SLC12A9: variants seen among roughly 807,000 people sequenced by gnomAD.
SLC12A9 encodes CCC-interacting protein 1.
A neutral mutation model predicts 66.0 loss-of-function variants in SLC12A9; 55 were observed. The ratio of observed to expected loss-of-function variants is 0.83; its 90% confidence interval spans 0.67 to 1.04. The LOEUF (loss-of-function observed/expected upper bound fraction) is 1.04. Ranked by LOEUF, SLC12A9 falls within the 50% of genes least tolerant of loss-of-function variation. The pLI, the probability that SLC12A9 is intolerant of heterozygous loss-of-function variation, is 0.00. For missense variants in SLC12A9, 1,061 were observed against 1,241.9 expected (o/e 0.85, Z 2.19); for synonymous variants, 577 against 569.0 (o/e 1.01, Z -0.20).
chr7:100,855,270 G>A (rs992110963), intron 3 of SLC12A9, among the ~76,000 whole-genome samples: 8 of 138,174 alleles, frequency 5.8e-5, no homozygotes, highest in Admixed American at 1.5e-4. Flanking sequence ...CTATAGGCAT[G>A]TACCACCACC....
At chr7:100,855,660 C>T in intron 3 of SLC12A9, 46 bp from the exon 4 acceptor site, 1 of 1,612,370 alleles carries the variant, frequency 6.2e-7, no homozygotes, top group South Asian at 1.1e-5. Flanking sequence ...TCCTCACGTC[C>T]ATTTCAGTCT....
upstream of SLC12A9, among the ~76,000 whole-genome samples, chr7:100,847,964 T>G (rs1005660517): frequency 1.3e-5 from 2 of 150,260 alleles, no homozygotes; most frequent in African/African-American, 2.4e-5. Flanking sequence ...CACGTGCCTG[T>G]AATCCCAGCT....
intron 1 of SLC12A9, among the ~76,000 whole-genome samples, chr7:100,835,880 C>T (rs1345790709): frequency 6.6e-6 from 1 of 152,126 alleles, no homozygotes; most frequent in African/African-American, 2.4e-5. Context: ...GTAGCAGAGG[C>T]CAGGGATGCC....
intron 8 of SLC12A9, 34 bp downstream of exon 8, chr7:100,860,076 C>T (rs367848824): frequency 2.4e-5 from 39 of 1,614,152 alleles, no homozygotes; most frequent in South Asian, 2.4e-4. Flanking sequence ...GCTTGGAGCA[C>T]GCCCTCCCTT....
chr7:100,827,154 C>G lies in SLC12A9; in HGVS notation n.228+107C>G, dbSNP rs2571606. 0.24 allele frequency: 258,081 copies of G among 1,055,592 alleles called. 35,701 individuals carry two copies. Among genetic ancestry groups the G allele is most frequent in the East Asian group, 0.61 (20,452 of 33,330 alleles). 65.4% of individuals were successfully genotyped at this position (1,055,592 alleles called of 1,614,324 possible). On this transcript the variant is annotated intron_variant and non_coding_transcript_variant, in intron 1 of 1. Coordinates refer to the SLC12A9 transcript ENST00000461016. The stretch of plus-strand genomic sequence containing the variant: ...CGGGACTCCTCGTCGGGGCCCTCAG[C>G]GCGGGCCCATGCGAGCGTGCGGGGC...
intron 1 of SLC12A9, among the ~76,000 whole-genome samples, chr7:100,839,878 TA>T (rs1813747245): frequency 6.8e-6 from 1 of 146,642 alleles, no homozygotes; most frequent in African/African-American, 2.5e-5. Context: ...CCTTCTCTAC[TA>T]AAAATACAAA....
chr7:100,857,839 G>A (rs1814488718), intron 5 of SLC12A9: 1 of 152,388 alleles, frequency 6.6e-6, no homozygotes, highest in African/African-American at 2.4e-5. Context: ...AACCCGGGAG[G>A]AGGAGCCGAG....
At chr7:100,827,522 C>CT (rs1252228375) in intron 1 of SLC12A9, 3 of 150,262 alleles carry the variant, frequency 2.0e-5, no homozygotes, top group Non-Finnish European at 4.5e-5. Flanking sequence ...TGCGCTGGAA[C>CT]TGGGCCGGGC....
intron 1 of SLC12A9, among the ~76,000 whole-genome samples, chr7:100,843,029 G>A (rs1015788274): frequency 6.6e-6 from 1 of 152,242 alleles, no homozygotes; most frequent in African/African-American, 2.4e-5. Context: ...GAAGGGATGC[G>A]ATGAGCTTAA....
At chr7:100,848,990 G>T (rs1041452638), upstream of SLC12A9, among the ~76,000 whole-genome samples, 93 of 142,958 alleles carry the variant, frequency 6.5e-4, no homozygotes, top group Non-Finnish European at 8.7e-4. Flanking sequence ...TTAGTTTTTT[G>T]TTTTTTTTTT....
At chr7:100,862,952 T>C (rs1012423179) in intron 13 of SLC12A9, 125 bp downstream of exon 13, 37 of 1,168,834 alleles carry the variant, frequency 3.2e-5, no homozygotes, top group Non-Finnish European at 4.4e-5. Flanking sequence ...CGAGAGGAGA[T>C]AAGACAGTGC....
chr7:100,861,683 CGG>C lies in SLC12A9; in HGVS notation c.1537-51_1537-50del. The C allele has an allele frequency of 6.2e-7, 1 of 1,611,766 alleles. No individual in the cohort carries two copies. The highest frequency in any genetic ancestry group is 1.7e-4 in the Middle Eastern group (1 of 6,054). ...GTGCTCCCGTCCAGGAGGCGCTGAA[CGG>C]GGCTGTGCATTTGATCCTGCCACTT... On this transcript the variant is annotated intron_variant, in intron 11 of 13. Transcript: ENST00000354161. This position sits in a 1 kb window ranked among gnomAD's most constrained non-coding sequence, Gnocchi z 5.3.
Position 100,866,018 on chromosome 7 carries a change from C to G in SLC12A9, c.2158C>G (p.Gln720Glu). 6.2e-7 allele frequency: 1 copy of G among 1,612,806 alleles called. No homozygotes were observed. The highest frequency in any genetic ancestry group is 8.5e-7 in the Non-Finnish European group (1 of 1,179,854). The stretch of plus-strand genomic sequence containing the variant: ...GAGCCGGGGGTCTGGGGGCACCTCT[C>G]AGCTGCACCATGTGGACGTGTGGCC... ...RLSRGSGGTS[Q>E]LHHVDVWPLN... is the part of the protein sequence containing the mutation. Residue 720 changes from glutamine (Q) to glutamate (E), a missense_variant, in exon 14 of 14, where the codon CAG becomes GAG. Physicochemically the swap from Gln to Glu is conservative, Grantham distance 29. Transcript: ENST00000354161. This position sits in a 1 kb window ranked among gnomAD's most constrained non-coding sequence, Gnocchi z 7.3.
chr7:100,851,906 T>C (rs903655735), upstream of SLC12A9, among the ~76,000 whole-genome samples: 3 of 152,218 alleles, frequency 2.0e-5, no homozygotes, highest in East Asian at 5.8e-4. Flanking sequence ...GCAGTGCTAT[T>C]TGCAAGGGAT....
intron 1 of SLC12A9, among the ~76,000 whole-genome samples, chr7:100,837,878 T>TC (rs1813698498): frequency 9.9e-6 from 1 of 101,244 alleles, no homozygotes; most frequent in Non-Finnish European, 2.1e-5. Context: ...TTTTTTTTTT[T>TC]GAGACAGAGT....
At chr7:100,846,085 A>G (rs569013419) in intron 1 of SLC12A9, among the ~76,000 whole-genome samples, 1 of 152,366 alleles carries the variant, frequency 6.6e-6, no homozygotes, top group African/African-American at 2.4e-5. Flanking sequence ...AGTTGAAGAC[A>G]TAGAGATATG....
At chr7:100,827,236 G>A (rs1392196634) in intron 1 of SLC12A9, 5 of 211,106 alleles carry the variant, frequency 2.4e-5, no homozygotes, top group Non-Finnish European at 3.5e-5. Flanking sequence ...CGGGCGGCGG[G>A]CCCGGAGCGT....
upstream of SLC12A9, among the ~76,000 whole-genome samples, chr7:100,849,922 G>A (rs1814022024): frequency 6.6e-6 from 1 of 151,618 alleles, no homozygotes; most frequent in Admixed American, 6.6e-5. Flanking sequence ...ACCCAGGCTG[G>A]AGTACAATGG....
At chr7:100,829,383 C>A (rs1813498307) in intron 1 of SLC12A9, among the ~76,000 whole-genome samples, 1 of 152,188 alleles carries the variant, frequency 6.6e-6, no homozygotes, top group African/African-American at 2.4e-5. Context: ...GCCAAGCGCC[C>A]TTACGTCCCA....
Sources: gnomAD v4.1 joint callset for allele counts (sites outside exome capture counted in the v4.1 genomes callset) on GRCh38, gnomAD v4.1.1 for gene constraint, Gnocchi (gnomAD v3.1) non-coding constraint, MANE v1.5 for transcripts, NCBI Gene and HGNC (gene_info 2026-07-23, HGNC 2026-07-21) for gene names.